CIAO2A: variants seen among roughly 807,000 people sequenced by gnomAD.
CIAO2A encodes cytosolic iron-sulfur assembly component 2A.
In CIAO2A, 17 loss-of-function variants were observed where a neutral mutation model predicts 22.4. The observed-to-expected ratio is 0.76, with a 90% confidence interval of 0.52 to 1.14. The LOEUF (loss-of-function observed/expected upper bound fraction) is 1.14. CIAO2A is among the 50% of genes most tolerant of loss of function. The pLI is 0.00. For synonymous variants in CIAO2A, 74 were observed against 72.3 expected, an observed-to-expected ratio of 1.02 and a Z score of -0.12; for missense variants, 192 against 191.4, an observed-to-expected ratio of 1.00 and a Z score of -0.02.
chr15:64,085,518 T>A (rs7166865), intron 2 of CIAO2A, among the ~76,000 whole-genome samples: 2,889 of 152,216 alleles, frequency 0.019, 106 homozygotes, highest in African/African-American at 0.066. Context: ...AAAAAAAATT[T>A]AAAAAAAGAA....
chr15:64,088,724 C>T lies in CIAO2A; in HGVS notation c.252G>A (p.Thr84=), dbSNP rs778086456. 9 of 1,613,526 alleles carry T rather than the reference C, an allele frequency of 5.6e-6. No individual in the cohort carries two copies. The highest frequency in any genetic ancestry group is 1.7e-5 in the Admixed American group (1 of 59,906). Residue 84 remains threonine, a synonymous_variant, in exon 2 of 5, where the codon ACG becomes ACA. Transcript: ENST00000300030. ...EEEYLVIIRF[T]PTVPHCSLAT... ...CCAAAGAGCAATGAGGTACTGTTGG[C>T]GTGAACCTGATAATAACCAGATATT...
intron 4 of CIAO2A, 41 bp from the exon 5 acceptor site, chr15:64,073,069 C>T (rs1159914804): frequency 1.5e-6 from 2 of 1,322,964 alleles, no homozygotes; most frequent in Non-Finnish European, 2.2e-6. Flanking sequence ...AGAACTGTGT[C>T]AATATACAGC....
intron 3 of CIAO2A, among the ~76,000 whole-genome samples, chr15:64,076,911 G>A (rs1181138229): frequency 2.0e-5 from 3 of 151,278 alleles, no homozygotes; most frequent in South Asian, 2.1e-4. Context: ...TCGCCATATT[G>A]CCCAAGCTGG....
rs764870264 is a variant in CIAO2A at position 64,088,667 on chromosome 15, G to A, written c.289+20C>T. ...ACTTAGAATTTATATAAATATACAT[G>A]TATGTACAGAAAAACTTACCAATAA... On this transcript the variant is annotated intron_variant, in intron 2 of 4. Transcript: ENST00000300030. 1 of 1,580,220 alleles carries A rather than the reference G, an allele frequency of 6.3e-7. No homozygotes were observed. Among genetic ancestry groups the A allele is most frequent in the African/African-American group, 1.4e-5 (1 of 73,282 alleles).
chr15:64,079,161 T>C (rs1032486163), intron 3 of CIAO2A, among the ~76,000 whole-genome samples: 1 of 151,716 alleles, frequency 6.6e-6, no homozygotes, highest in African/African-American at 2.4e-5. Flanking sequence ...ATTTAAAAGA[T>C]AAATAAAAAT....
At chr15:64,084,970 G>A (rs889269251) in intron 2 of CIAO2A, among the ~76,000 whole-genome samples, 1 of 151,240 alleles carries the variant, frequency 6.6e-6, no homozygotes, top group African/African-American at 2.4e-5. Context: ...GAGGATGCCT[G>A]TAATCCTAGC....
intron 2 of CIAO2A, among the ~76,000 whole-genome samples, chr15:64,087,386 C>T (rs1216521783): frequency 2.6e-5 from 4 of 152,050 alleles, no homozygotes; most frequent in East Asian, 1.9e-4. Flanking sequence ...CCACCGCGCC[C>T]GGCCTAATTT....
At chr15:64,085,278 T>C (rs1447941789) in intron 2 of CIAO2A, among the ~76,000 whole-genome samples, 2 of 152,108 alleles carry the variant, frequency 1.3e-5, no homozygotes, top group Non-Finnish European at 2.9e-5. Flanking sequence ...CTCATGCCTG[T>C]AATCCCAGCA....
At chr15:64,093,583 G>C in intron 1 of CIAO2A, 62 bp downstream of exon 1, 1 of 1,535,234 alleles carries the variant, frequency 6.5e-7, no homozygotes, top group East Asian at 2.3e-5. Flanking sequence ...CATCATCCCC[G>C]CACCCCTCAG....
At chr15:64,075,425 G>C in intron 4 of CIAO2A, 67 bp downstream of exon 4, 1 of 990,790 alleles carries the variant, frequency 1.0e-6, no homozygotes, top group South Asian at 1.8e-5. Context: ...GCTGGCAGAA[G>C]AATCCAGTAT....
rs2080686447 is a variant in CIAO2A at position 64,073,085 on chromosome 15, A to G, written c.386-57T>C. On this transcript the variant is annotated intron_variant, in intron 4 of 4. Coordinates refer to ENST00000300030, the MANE Select transcript of CIAO2A (RefSeq NM_032231.7). Reference sequence around the variant, plus strand: ...GAACTGTGTCAATATACAGCACCAGACAGTATTTTTATTAGCCTGCTGAAA... The same window carrying G: ...GAACTGTGTCAATATACAGCACCAGGCAGTATTTTTATTAGCCTGCTGAAA... The G allele has an allele frequency of 7.5e-6, 9 of 1,203,430 alleles. No individual in the cohort carries two copies. The Admixed American group carries it at 9.4e-5, about 13-fold the overall frequency. The allele number at this position is 1,203,430 out of a possible 1,614,324, so 74.5% of individuals were successfully genotyped here. A position where few individuals can be genotyped will look rare whatever the true frequency, so the allele number is the denominator to read the frequency against.
chr15:64,088,305 G>A (rs1012934922), intron 2 of CIAO2A, among the ~76,000 whole-genome samples: 9 of 152,120 alleles, frequency 5.9e-5, no homozygotes, highest in Non-Finnish European at 1.0e-4. Flanking sequence ...AAAAGCACTG[G>A]CCCACATGCA....
intron 4 of CIAO2A, among the ~76,000 whole-genome samples, chr15:64,073,420 C>A (rs1228113566): frequency 6.6e-6 from 1 of 152,002 alleles, no homozygotes; most frequent in Admixed American, 6.6e-5. Flanking sequence ...CAATGAATAC[C>A]TTTAAACATA....
chr15:64,073,883 G>A (rs978419148), intron 4 of CIAO2A: 1 of 152,174 alleles, frequency 6.6e-6, no homozygotes, highest in Non-Finnish European at 1.5e-5. Context: ...GGTTACAGGT[G>A]TGAACCACCA....
chr15:64,089,842 G>C (rs543094195), intron 1 of CIAO2A, among the ~76,000 whole-genome samples: 1 of 152,302 alleles, frequency 6.6e-6, no homozygotes, highest in Non-Finnish European at 1.5e-5. Flanking sequence ...GAAGAAATTT[G>C]GGTGGGGCAT....
chr15:64,078,819 G>A (rs1266075621), intron 3 of CIAO2A, among the ~76,000 whole-genome samples: 2 of 152,080 alleles, frequency 1.3e-5, no homozygotes, highest in African/African-American at 4.8e-5. Context: ...CAAGGCGGGA[G>A]GACTGCTTGA....
intron 4 of CIAO2A, 123 bp from the exon 5 acceptor site, chr15:64,073,151 C>A: frequency 1.7e-6 from 1 of 592,670 alleles, no homozygotes; most frequent in Admixed American, 3.0e-5. Flanking sequence ...CTGTTTTTGG[C>A]TAATTACTCA....
Position 64,083,878 on chromosome 15 carries a change from G to C in CIAO2A, c.290-2727C>G, listed in dbSNP as rs1192968297. ...GAATCGCTTGAACCCAGGAGGCAGA[G>C]GTTGCAGTAAGCCAAGACAGCACCA... On this transcript the variant is annotated intron_variant, in intron 2 of 4. Transcript: ENST00000300030. Among the ~76,000 whole-genome samples, 4 of 151,604 alleles carry C rather than the reference G, an allele frequency of 2.6e-5. No individual in the cohort carries two copies. The East Asian group carries it at 7.7e-4, about 29-fold the overall frequency.
intron 2 of CIAO2A, among the ~76,000 whole-genome samples, chr15:64,085,652 TTGCCG>T (rs1460758746): frequency 1.3e-5 from 2 of 152,228 alleles, no homozygotes; most frequent in Non-Finnish European, 2.9e-5. Context: ...GTTAAGTAAC[TTGCCG>T]AAGCCCACAA....
Sources: allele counts gnomAD v4.1 joint callset (sites outside exome capture counted in the v4.1 genomes callset), GRCh38; gene constraint gnomAD v4.1.1; transcripts MANE v1.5; gene names NCBI Gene and HGNC (gene_info 2026-07-23, HGNC 2026-07-21).